The following BRINP3 variants were observed in gnomAD, a reference collection of about 807,000 sequenced individuals.
BRINP3 encodes the protein BMP/retinoic acid-inducible neural-specific protein 3.
A neutral mutation model predicts 71.0 loss-of-function variants in BRINP3; 19 were observed. That is an observed-to-expected ratio of 0.27 (90% CI 0.19 to 0.39). The LOEUF is 0.39. BRINP3 is among the 10% of genes least tolerant of loss of function. BRINP3 has a pLI of 1.00. For missense variants in BRINP3, 959 were observed against 940.8 expected (o/e 1.02, Z -0.25); for synonymous variants, 380 against 337.7 (o/e 1.13, Z -1.37).
intron 2 of BRINP3, among the ~76,000 whole-genome samples, chr1:190,356,356 TAAG>T (rs1015210088): frequency 7.2e-5 from 11 of 151,960 alleles, no homozygotes; most frequent in Admixed American, 3.9e-4. Flanking sequence ...TATGACCCGA[TAAG>T]AAGATCAGTG....
At chr1:190,470,886 A>G (rs1190513135) in intron 1 of BRINP3, among the ~76,000 whole-genome samples, 1 of 151,364 alleles carries the variant, frequency 6.6e-6, no homozygotes, top group African/African-American at 2.4e-5. Context: ...TATTGCAATT[A>G]TTAGAGCATC....
intron 2 of BRINP3, among the ~76,000 whole-genome samples, chr1:190,399,139 A>G (rs1009385910): frequency 2.0e-4 from 31 of 152,176 alleles, no homozygotes; most frequent in Middle Eastern, 3.4e-3. Context: ...AAAACAATAT[A>G]AACTAAATTC....
chr1:190,173,715 A>T (rs1652235735), intron 6 of BRINP3, among the ~76,000 whole-genome samples: 1 of 152,194 alleles, frequency 6.6e-6, no homozygotes, highest in Admixed American at 6.5e-5. Context: ...CGTATTTATT[A>T]ATGTAAACCA....
intron 2 of BRINP3, among the ~76,000 whole-genome samples, chr1:190,349,753 G>A (rs1668252567): frequency 6.6e-6 from 1 of 152,024 alleles, no homozygotes; most frequent in Admixed American, 6.6e-5. Context: ...GAAAAGTAAG[G>A]ATTTCATGTT....
chr1:190,341,362 T>C (rs1176503388), intron 2 of BRINP3, among the ~76,000 whole-genome samples: 1 of 151,926 alleles, frequency 6.6e-6, no homozygotes, highest in Non-Finnish European at 1.5e-5. Flanking sequence ...TTATACATGA[T>C]AATATATGAT....
In BRINP3 at chr1:190,390,429, T is replaced by C. The variant is rs1025704164; in HGVS notation, c.236+64226A>G. Among the ~76,000 whole-genome samples, 3 of 151,762 alleles carry C rather than the reference T, an allele frequency of 2.0e-5. No individual in the cohort carries two copies. The Admixed American group carries it at 2.0e-4, about 10-fold the overall frequency. On this transcript the variant is annotated intron_variant, in intron 2 of 7. Coordinates refer to ENST00000367462, the MANE Select transcript of BRINP3 (RefSeq NM_199051.3). ...AGGGCAACCTTCCCCTCTGGGTTAT[T>C]GGAGAAGTCAACACAATGAGAGGTC...
chr1:190,253,655 C>A (rs575545823), intron 4 of BRINP3, among the ~76,000 whole-genome samples: 1 of 152,072 alleles, frequency 6.6e-6, no homozygotes, highest in African/African-American at 2.4e-5. Context: ...TGTTTAAATT[C>A]TTTGTGGATT....
chr1:190,109,685 G>T (rs577546688), intron 7 of BRINP3, among the ~76,000 whole-genome samples: 43 of 152,324 alleles, frequency 2.8e-4, no homozygotes, highest in African/African-American at 1.0e-3. Context: ...GATCTGGATG[G>T]AACAAAATGT....
chr1:190,217,682 T>C (rs1656528585), intron 6 of BRINP3, among the ~76,000 whole-genome samples: 1 of 152,042 alleles, frequency 6.6e-6, no homozygotes, highest in Non-Finnish European at 1.5e-5. Context: ...AATAATTCAA[T>C]GTTGTAATTT....
intron 1 of BRINP3, among the ~76,000 whole-genome samples, chr1:190,464,676 G>A (rs1676622181): frequency 6.6e-6 from 1 of 151,834 alleles, no homozygotes; most frequent in Non-Finnish European, 1.5e-5. Context: ...TAATGTGCTA[G>A]CAATGCATTA....
chr1:190,445,872 G>A (rs1198069448), intron 2 of BRINP3, among the ~76,000 whole-genome samples: 2 of 152,054 alleles, frequency 1.3e-5, no homozygotes, highest in African/African-American at 2.4e-5. Context: ...TTGTTTAAAT[G>A]CCAAAACATC....
chr1:190,266,064 T>G (rs918673389), intron 3 of BRINP3, among the ~76,000 whole-genome samples: 1 of 152,184 alleles, frequency 6.6e-6, no homozygotes, highest in African/African-American at 2.4e-5. Context: ...ATCCATGTCA[T>G]TGAAGTTAGA....
At chr1:190,276,519 A>G (rs987150360) in intron 3 of BRINP3, among the ~76,000 whole-genome samples, 4 of 151,350 alleles carry the variant, frequency 2.6e-5, no homozygotes, top group South Asian at 2.1e-4. Flanking sequence ...TCCATATTGT[A>G]TCTTACTAAC....
chr1:190,098,026 A>G lies in BRINP3; in HGVS notation c.2293T>C (p.Cys765Arg), dbSNP rs762168189. ...GTGCTTGACATTTATGGTTAACTAC[A>G]TAATTTGGTCGTGTCATAATCCATT... ...NTMDYDTTKL[C>R]S The change falls in exon 8 of 8, where the codon TGT becomes CGT. Residue 765 changes from cysteine to arginine, a missense_variant. Coordinates refer to ENST00000367462, the MANE Select transcript of BRINP3 (RefSeq NM_199051.3). The G allele has an allele frequency of 6.2e-7, 1 of 1,602,860 alleles. No homozygotes were observed. Among genetic ancestry groups the G allele is most frequent in the Admixed American group, 1.7e-5 (1 of 58,072 alleles).
chr1:190,428,426 T>TC (rs745543501), intron 2 of BRINP3, among the ~76,000 whole-genome samples: 11 of 150,908 alleles, frequency 7.3e-5, no homozygotes, highest in East Asian at 2.0e-4. Flanking sequence ...TACCTCATAA[T>TC]CCCCCCCCAA....
chr1:190,255,797 C>T lies in BRINP3; in HGVS notation c.618+9068G>A, dbSNP rs139407261. 5.4e-3 allele frequency among the ~76,000 whole-genome samples: 828 copies of T among 152,064 alleles called. 6 individuals carry two copies. The highest frequency in any genetic ancestry group is 0.018 in the African/African-American group (758 of 41,474). On this transcript the variant is annotated intron_variant, in intron 4 of 7. Coordinates refer to ENST00000367462, the MANE Select transcript of BRINP3 (RefSeq NM_199051.3). ...CTCTCTCCTTCAGTTCTGCTCTGAT[C>T]TTAGTTATTTCTTGTCTTCTGCTAG...
At chr1:190,266,864 A>T (rs1661709193) in intron 3 of BRINP3, among the ~76,000 whole-genome samples, 1 of 152,228 alleles carries the variant, frequency 6.6e-6, no homozygotes, top group African/African-American at 2.4e-5. Context: ...GGAAAATTAA[A>T]AATAAAATGA....
intron 6 of BRINP3, among the ~76,000 whole-genome samples, chr1:190,199,632 T>C (rs1654808112): frequency 6.6e-6 from 1 of 151,924 alleles, no homozygotes; most frequent in South Asian, 2.1e-4. Context: ...TTGGATACAA[T>C]TCTGATGATG....
chr1:190,174,484 T>C (rs72729140), intron 6 of BRINP3, among the ~76,000 whole-genome samples: 12,105 of 152,134 alleles, frequency 0.08, 570 homozygotes, highest in East Asian at 0.11. Context: ...AAATATGATA[T>C]ATATATGAGA....
Sources: allele counts gnomAD v4.1 joint callset (sites outside exome capture counted in the v4.1 genomes callset), GRCh38; gene constraint gnomAD v4.1.1; transcripts MANE v1.5; gene names NCBI Gene and HGNC (gene_info 2026-07-23, HGNC 2026-07-21).